Variants in TRIO observed in about 807,000 individuals in gnomAD.
The protein encoded by TRIO is trio Rho guanine nucleotide exchange factor, also known as triple functional domain protein.
Under a neutral mutation model 351.9 loss-of-function variants are expected in TRIO, and 58 were observed. That is an observed-to-expected ratio of 0.16 (90% CI 0.13 to 0.21). The LOEUF (loss-of-function observed/expected upper bound fraction) is 0.21, where lower values mean the gene tolerates loss of function less well. Among genes scored for constraint, TRIO ranks in the 10% least tolerant of loss-of-function variants. The pLI, the probability that TRIO is intolerant of heterozygous loss-of-function variation, is 1.00. For synonymous variants in TRIO, 1,758 were observed against 1,595.7 expected, an observed-to-expected ratio of 1.10 and a Z score of -2.42; for missense variants, 3,201 against 4,027.8, an observed-to-expected ratio of 0.79 and a Z score of 5.56.
intron 34 of TRIO, among the ~76,000 whole-genome samples, chr5:14,426,309 T>C (rs1482972009): frequency 1.3e-5 from 2 of 152,258 alleles, no homozygotes; most frequent in African/African-American, 4.8e-5. Flanking sequence ...CTTTTTTCCC[T>C]CTCACTCACC....
intron 18 of TRIO, among the ~76,000 whole-genome samples, chr5:14,373,527 CCTT>C (rs1420764624): frequency 6.6e-6 from 1 of 152,108 alleles, no homozygotes; most frequent in African/African-American, 2.4e-5. Flanking sequence ...TTTTTCCTTA[CCTT>C]CTTTGATTTT....
chr5:14,478,125 G>A (rs1052770237), intron 41 of TRIO, among the ~76,000 whole-genome samples: 10 of 152,240 alleles, frequency 6.6e-5, no homozygotes, highest in South Asian at 2.1e-4. Flanking sequence ...CTCACAACTC[G>A]GTTACATAAG....
Position 14,473,972 on chromosome 5 carries a change from TATC to T in TRIO, c.5980-19_5980-17del. ...TCAGACATATTCCATGAAATACACT[TATC>T]ATAACTGTTTAATTGTAGGGCTACA... On this transcript the variant is annotated intron_variant, in intron 39 of 56. Coordinates refer to ENST00000344204, the MANE Select transcript of TRIO (RefSeq NM_007118.4). 14 of 1,606,690 alleles carry T rather than the reference TATC, an allele frequency of 8.7e-6. No homozygotes were observed. Among genetic ancestry groups the T allele is most frequent in the Non-Finnish European group, 1.2e-5 (14 of 1,174,078 alleles).
intron 1 of TRIO, among the ~76,000 whole-genome samples, chr5:14,268,179 C>T (rs995268903): frequency 6.6e-6 from 1 of 152,150 alleles, no homozygotes; most frequent in African/African-American, 2.4e-5. Context: ...GTCCATGACT[C>T]ATAGTGGGAC....
At chr5:14,390,161 T>C (rs1412960357) in intron 25 of TRIO, 70 bp from the exon 26 acceptor site, 2 of 1,413,608 alleles carry the variant, frequency 1.4e-6, no homozygotes, top group South Asian at 1.3e-5. Context: ...TTTCTCAGTT[T>C]CTGGCATATC....
chr5:14,168,537 A>G (rs568858675), intron 1 of TRIO, among the ~76,000 whole-genome samples: 1 of 152,290 alleles, frequency 6.6e-6, no homozygotes, highest in East Asian at 1.9e-4. Flanking sequence ...ATTGATGTGC[A>G]ATTTATTGTT....
rs767082131 is a variant in TRIO, at chr5:14,359,316, A to G, written c.2217-41A>G. The stretch of plus-strand genomic sequence containing the variant: ...CGGATCTGGTATCTAACAATGTGTG[A>G]CTTTCTCATCCAATTCCTGTTCCTC... On this transcript the variant is annotated intron_variant, in intron 12 of 56. Transcript: ENST00000344204. 2.5e-6 allele frequency: 4 copies of G among 1,589,380 alleles called. No homozygotes were observed. The East Asian group carries it at 9.0e-5, about 36-fold the overall frequency.
intron 1 of TRIO, among the ~76,000 whole-genome samples, chr5:14,176,750 A>G (rs1000406785): frequency 6.6e-6 from 1 of 152,138 alleles, no homozygotes; most frequent in African/African-American, 2.4e-5. Context: ...GCCTCAGTTC[A>G]TTCTTTTAAA....
chr5:14,325,104 C>T (rs1414915009), intron 9 of TRIO, among the ~76,000 whole-genome samples: 1 of 152,090 alleles, frequency 6.6e-6, no homozygotes, highest in Non-Finnish European at 1.5e-5. Flanking sequence ...TGATAGAAAA[C>T]CATTCTAGGA....
At chr5:14,369,569 C>A (rs1429543812) in intron 18 of TRIO, 46 bp downstream of exon 18, 2 of 1,560,106 alleles carry the variant, frequency 1.3e-6, no homozygotes, top group Non-Finnish European at 1.7e-6. Context: ...AGGCTTCCTG[C>A]CTGCCAGGTG....
chr5:14,408,562 C>A (rs1369011253), intron 33 of TRIO, among the ~76,000 whole-genome samples: 1 of 152,090 alleles, frequency 6.6e-6, no homozygotes, highest in East Asian at 1.9e-4. Context: ...CACCTATGGC[C>A]ATTGAGGTTA....
At chr5:14,405,558 A>G (rs1314344388) in intron 31 of TRIO, among the ~76,000 whole-genome samples, 1 of 152,090 alleles carries the variant, frequency 6.6e-6, no homozygotes, top group African/African-American at 2.4e-5. Context: ...GTGTTGGTTT[A>G]TTTGCCCAGG....
chr5:14,396,556 A>G (rs1300558085), intron 28 of TRIO, among the ~76,000 whole-genome samples: 2 of 122,054 alleles, frequency 1.6e-5, no homozygotes, highest in East Asian at 2.7e-4. Flanking sequence ...TGCAGCCTCC[A>G]CCTCCCAGGT....
intron 2 of TRIO, among the ~76,000 whole-genome samples, chr5:14,275,105 T>C (rs1402081922): frequency 6.6e-6 from 1 of 152,236 alleles, no homozygotes; most frequent in Admixed American, 6.5e-5. Context: ...AATTCATAGT[T>C]CAAATTTAGG....
chr5:14,170,317 A>G (rs1297005967), intron 1 of TRIO, among the ~76,000 whole-genome samples: 1 of 152,084 alleles, frequency 6.6e-6, no homozygotes, highest in Non-Finnish European at 1.5e-5. Flanking sequence ...GTTTGTATAT[A>G]CTGTAGTTAG....
intron 1 of TRIO, among the ~76,000 whole-genome samples, chr5:14,221,365 A>C (rs1792606970): frequency 6.6e-6 from 1 of 152,208 alleles, no homozygotes; most frequent in Non-Finnish European, 1.5e-5. Context: ...ATGGATCAAA[A>C]ACTAATTTTG....
At chr5:14,198,189 A>G (rs941532648) in intron 1 of TRIO, among the ~76,000 whole-genome samples, 4 of 152,238 alleles carry the variant, frequency 2.6e-5, no homozygotes, top group Non-Finnish European at 1.5e-5. Flanking sequence ...AGCCATAAAT[A>G]TAAATGATTT....
chr5:14,491,343 C>T (rs1361523278), intron 48 of TRIO, among the ~76,000 whole-genome samples: 12 of 152,218 alleles, frequency 7.9e-5, no homozygotes, highest in Admixed American at 5.9e-4. Context: ...CCCAGGGCGT[C>T]GGAGAGCCCA....
At chr5:14,430,178 T>C (rs1241420754) in intron 34 of TRIO, among the ~76,000 whole-genome samples, 1 of 150,086 alleles carries the variant, frequency 6.7e-6, no homozygotes, top group African/African-American at 2.5e-5. Context: ...TGTAATGATA[T>C]TTGCGTGCTT....
Sources: gnomAD v4.1 joint callset for allele counts (sites outside exome capture counted in the v4.1 genomes callset) on GRCh38, gnomAD v4.1.1 for gene constraint, MANE v1.5 for transcripts, NCBI Gene and HGNC (gene_info 2026-07-23, HGNC 2026-07-21) for gene names.